CLYBL: variants seen among roughly 807,000 people sequenced by gnomAD.
CLYBL encodes the protein citramalyl-CoA lyase.
CLYBL carries 31 observed loss-of-function variants against 38.9 expected under a neutral mutation model. The ratio of observed to expected loss-of-function variants is 0.80; its 90% CI spans 0.60 to 1.08. The LOEUF (loss-of-function observed/expected upper bound fraction) is 1.08. CLYBL is among the 50% of genes least tolerant of loss of function. The pLI is 0.00. For synonymous variants in CLYBL, 171 were observed against 158.6 expected (o/e 1.08, Z -0.59); for missense variants, 434 against 411.6 (o/e 1.05, Z -0.47).
At chr13:99,780,966 G>A (rs936028379) in intron 2 of CLYBL, among the ~76,000 whole-genome samples, 4 of 151,112 alleles carry the variant, frequency 2.6e-5, no homozygotes, top group Non-Finnish European at 4.4e-5. Flanking sequence ...CACCCGCCTC[G>A]GCCTCCCAAA....
chr13:99,867,573 C>A (rs908171663), intron 6 of CLYBL, among the ~76,000 whole-genome samples: 1 of 152,110 alleles, frequency 6.6e-6, no homozygotes, highest in South Asian at 2.1e-4. Flanking sequence ...TATTAATAAA[C>A]GAATTCTCCC....
chr13:99,614,067 C>T (rs1401471388), intron 1 of CLYBL, among the ~76,000 whole-genome samples: 1 of 151,998 alleles, frequency 6.6e-6, no homozygotes, highest in Non-Finnish European at 1.5e-5. Context: ...AAGTAAAGGG[C>T]TGTGGATGAA....
At chr13:99,623,255 G>A (rs897619836) in intron 1 of CLYBL, among the ~76,000 whole-genome samples, 2 of 152,044 alleles carry the variant, frequency 1.3e-5, no homozygotes, top group Non-Finnish European at 2.9e-5. Flanking sequence ...CCACATCCTC[G>A]CCAACACTTG....
chr13:99,747,252 C>T (rs1203504318), intron 1 of CLYBL, among the ~76,000 whole-genome samples: 23 of 143,288 alleles, frequency 1.6e-4, no homozygotes, highest in African/African-American at 5.7e-4. Context: ...TTTCCTCCTC[C>T]CCTCCTCCTT....
At chr13:99,845,162 T>G (rs2051170511) in intron 2 of CLYBL, among the ~76,000 whole-genome samples, 1 of 152,146 alleles carries the variant, frequency 6.6e-6, no homozygotes, top group African/African-American at 2.4e-5. Context: ...ACTTTCATCT[T>G]CATCTCGCAT....
chr13:99,667,862 C>T (rs907129274), intron 1 of CLYBL, among the ~76,000 whole-genome samples: 5 of 152,164 alleles, frequency 3.3e-5, no homozygotes, highest in African/African-American at 1.2e-4. Context: ...AGGATAGATG[C>T]ATTTGAAGAA....
intron 1 of CLYBL, among the ~76,000 whole-genome samples, chr13:99,764,914 T>C (rs891435822): frequency 5.9e-5 from 9 of 151,902 alleles, no homozygotes; most frequent in African/African-American, 2.2e-4. Context: ...TGCCATGAAC[T>C]CCTGCCTCAG....
chr13:99,868,011 A>C lies in CLYBL; in HGVS notation c.802+1604A>C, dbSNP rs1026950376. ...TATTTCAAATCAGGTTTAAATTTCT[A>C]GACTGTGCCCAGCTCAGCACGAGAA... On this transcript the variant is annotated intron_variant, in intron 6 of 8. Coordinates refer to ENST00000339105, the MANE Select transcript of CLYBL (RefSeq NM_206808.5). Among the ~76,000 whole-genome samples, 3 of 152,144 alleles carry C rather than the reference A, an allele frequency of 2.0e-5. No individual in the cohort carries two copies. In the East Asian group the frequency reaches 5.8e-4, roughly 29 times the overall value.
At chr13:99,743,273 G>T (rs1034943733) in intron 1 of CLYBL, among the ~76,000 whole-genome samples, 1 of 152,114 alleles carries the variant, frequency 6.6e-6, no homozygotes, top group African/African-American at 2.4e-5. Flanking sequence ...AATTGTAACC[G>T]CGAATGATGG....
chr13:99,857,036 C>G (rs558654013), intron 2 of CLYBL, among the ~76,000 whole-genome samples: 1 of 151,736 alleles, frequency 6.6e-6, no homozygotes, highest in African/African-American at 2.4e-5. Context: ...TATTTAGGGC[C>G]GGGCACCGTG....
chr13:99,791,635 A>G (rs2049919894), intron 2 of CLYBL, among the ~76,000 whole-genome samples: 1 of 152,198 alleles, frequency 6.6e-6, no homozygotes, highest in South Asian at 2.1e-4. Context: ...TGGTAAGAGT[A>G]GTATTCCACC....
intron 2 of CLYBL, among the ~76,000 whole-genome samples, chr13:99,842,351 G>C (rs1033544173): frequency 6.6e-6 from 1 of 152,132 alleles, no homozygotes; most frequent in African/African-American, 2.4e-5. Flanking sequence ...TGGGGAGAAG[G>C]GTGGGGGAAA....
At chr13:99,806,927 T>G (rs996486384) in intron 2 of CLYBL, among the ~76,000 whole-genome samples, 3 of 152,242 alleles carry the variant, frequency 2.0e-5, no homozygotes, top group African/African-American at 7.2e-5. Flanking sequence ...TAACTCCAGA[T>G]GGCTGTGTCT....
chr13:99,651,701 G>A (rs541380902), intron 1 of CLYBL, among the ~76,000 whole-genome samples: 69 of 152,280 alleles, frequency 4.5e-4, no homozygotes, highest in African/African-American at 1.4e-3. Context: ...GGAGGGAGAG[G>A]TGGGTGGATC....
intron 2 of CLYBL, among the ~76,000 whole-genome samples, chr13:99,850,425 C>T (rs564865480): frequency 6.6e-6 from 1 of 152,296 alleles, no homozygotes; most frequent in South Asian, 2.1e-4. Context: ...CATCATTAGC[C>T]ATTGGAGAAA....
chr13:99,681,889 T>G (rs2047740241), intron 1 of CLYBL, among the ~76,000 whole-genome samples: 1 of 152,134 alleles, frequency 6.6e-6, no homozygotes, highest in Admixed American at 6.5e-5. Flanking sequence ...CCCTGCCTCC[T>G]TGCATCTTTT....
chr13:99,630,676 C>G (rs930186141), intron 1 of CLYBL, among the ~76,000 whole-genome samples: 3 of 152,192 alleles, frequency 2.0e-5, no homozygotes, highest in Non-Finnish European at 4.4e-5. Flanking sequence ...GCTGAGCCCT[C>G]TTGTTCCCAT....
At chr13:99,770,735 T>A (rs1206137761) in intron 1 of CLYBL, among the ~76,000 whole-genome samples, 1 of 151,948 alleles carries the variant, frequency 6.6e-6, no homozygotes, top group African/African-American at 2.4e-5. Context: ...GGCAGTTATT[T>A]TTTTTGAGAC....
rs546998940 is a variant in CLYBL, at chr13:99,771,020, C to CTTTTTTTT, written c.63-1780_63-1773dup. On this transcript the variant is annotated intron_variant, in intron 1 of 8. Coordinates refer to ENST00000339105, the MANE Select transcript of CLYBL (RefSeq NM_206808.5). Reference sequence around the variant, plus strand: ...CAGGCGTAAGCCACCACGCGGGGCCCTTTTTTTTTTTTTTTTTTTTTTTTT... The same window carrying CTTTTTTTT: ...CAGGCGTAAGCCACCACGCGGGGCCCTTTTTTTTTTTTTTTTTTTTTTTTTTTTTTTTT... Among the ~76,000 whole-genome samples, 17 of 120,238 alleles carry CTTTTTTTT rather than the reference C, an allele frequency of 1.4e-4. 1 individual carries two copies. Among genetic ancestry groups the CTTTTTTTT allele is most frequent in the African/African-American group, 5.8e-4 (16 of 27,686 alleles). The allele number at this position is 120,238 out of a possible 152,430, so 78.9% of individuals were successfully genotyped here. A position where few individuals can be genotyped will look rare whatever the true frequency, so the allele number is the denominator to read the frequency against.
Sources: gnomAD v4.1 joint callset for allele counts (sites outside exome capture counted in the v4.1 genomes callset) on GRCh38, gnomAD v4.1.1 for gene constraint, MANE v1.5 for transcripts, NCBI Gene and HGNC (gene_info 2026-07-23, HGNC 2026-07-21) for gene names.